Variants in FER1L5 observed in about 807,000 individuals in gnomAD.
The protein encoded by FER1L5 is fer-1 like family member 5, also known as fer-1-like protein 5.
In FER1L5, 187 loss-of-function variants were observed where a neutral mutation model predicts 279.9. The ratio of observed to expected loss-of-function variants is 0.67; its 90% CI spans 0.59 to 0.75. The LOEUF (loss-of-function observed/expected upper bound fraction) is 0.75, where lower values mean the gene tolerates loss of function less well. FER1L5 is among the 30% of genes least tolerant of loss of function. FER1L5 has a pLI of 0.00. For missense variants in FER1L5, 2,091 were observed against 2,594.4 expected, an observed-to-expected ratio of 0.81 and a Z score of 4.21; for synonymous variants, 921 against 989.7, an observed-to-expected ratio of 0.93 and a Z score of 1.30.
chr2:96,685,557 C>G, intron 21 of FER1L5, 128 bp downstream of exon 21: 1 of 787,672 alleles, frequency 1.3e-6, no homozygotes, highest in Non-Finnish European at 2.0e-6. Flanking sequence ...TCAGACCTCT[C>G]CCCAGCGGGA....
intron 16 of FER1L5, 24 bp from the exon 17 acceptor site, chr2:96,669,019 C>T (rs1472237684): frequency 1.9e-6 from 3 of 1,551,700 alleles, no homozygotes; most frequent in East Asian, 4.9e-5. Context: ...TGCGCCCGAC[C>T]CTTCTCACTC....
In FER1L5 at chr2:96,704,530, C is replaced by A. The variant is rs778405429; in HGVS notation, c.6012C>A (p.Phe2004Leu). ...QLQLYPPIKIFNIINSLNTSN... is the reference protein window; with the variant it reads ...QLQLYPPIKILNIINSLNTSN... The stretch of plus-strand genomic sequence containing the variant: ...AGCTGTATCCTCCCATTAAAATATT[C>A]AATATCATCAATTCACTAAACACCA... Residue 2004 changes from phenylalanine (F) to leucine (L), a missense_variant, in exon 53 of 53, where the codon TTC becomes TTA. Phe to Leu is a conservative substitution (Grantham distance 22). Coordinates refer to ENST00000624922, the MANE Select transcript of FER1L5 (RefSeq NM_001293083.2). 1 of 1,613,902 alleles carries A rather than the reference C, an allele frequency of 6.2e-7. No individual in the cohort carries two copies. The highest frequency in any genetic ancestry group is 1.1e-5 in the South Asian group (1 of 91,080).
In FER1L5 at chr2:96,689,606, G is replaced by A. The variant is rs1573931629; in HGVS notation, c.2526-38G>A. The A allele has an allele frequency of 1.3e-6, 2 of 1,531,362 alleles. No homozygotes were observed. The highest frequency in any genetic ancestry group is 4.9e-5 in the East Asian group (2 of 40,794). The allele number at this position is 1,531,362 out of a possible 1,614,324, so 94.9% of individuals were successfully genotyped here. On this transcript the variant is annotated intron_variant, in intron 25 of 52. Transcript: ENST00000624922. The surrounding 1 kb of genome is among the most constrained non-coding windows in gnomAD (Gnocchi z 4.6). ...GAAGACGGCCCTAGGGGCTGCTTGG[G>A]GAGTTGTGCTGGGAACTTGGGGTCT... is the stretch of plus-strand genomic sequence containing the variant.
intron 18 of FER1L5, among the ~76,000 whole-genome samples, chr2:96,671,490 A>G (rs1039668894): frequency 2.0e-5 from 3 of 152,224 alleles, no homozygotes; most frequent in Non-Finnish European, 4.4e-5. Flanking sequence ...CAGGGGTGCA[A>G]TGCACCAAGG....
chr2:96,680,473 A>G (rs2106632608), intron 19 of FER1L5, among the ~76,000 whole-genome samples: 1 of 150,318 alleles, frequency 6.7e-6, no homozygotes, highest in Middle Eastern at 3.4e-3. Flanking sequence ...TCTCTTCCAT[A>G]TTTTTCATCT....
In FER1L5 at chr2:96,670,261, A is replaced by G. The variant is rs1436091664; in HGVS notation, c.1491+14A>G. 35 of 1,550,054 alleles carry G rather than the reference A, an allele frequency of 2.3e-5. No homozygotes were observed. The highest frequency in any genetic ancestry group is 2.9e-5 in the Non-Finnish European group (33 of 1,146,044). On this transcript the variant is annotated intron_variant, in intron 18 of 52. Coordinates refer to ENST00000624922, the MANE Select transcript of FER1L5 (RefSeq NM_001293083.2). Reference sequence around the variant, plus strand: ...ACCAGGATAGAGGTAACTGCGGGAAACAGGTAACCCAGGGAAAAACAAGAG... The same window carrying G: ...ACCAGGATAGAGGTAACTGCGGGAAGCAGGTAACCCAGGGAAAAACAAGAG...
intron 8 of FER1L5, 160 bp from the exon 9 acceptor site, chr2:96,654,286 T>G (rs1033392243): frequency 1.5e-5 from 6 of 391,656 alleles, no homozygotes; most frequent in Middle Eastern, 1.3e-3. Context: ...AGGGTTCCTC[T>G]GAGAGTGAAA....
intron 19 of FER1L5, among the ~76,000 whole-genome samples, chr2:96,681,645 G>A (rs545114528): frequency 6.6e-6 from 1 of 152,098 alleles, no homozygotes; most frequent in Non-Finnish European, 1.5e-5. Flanking sequence ...TATTTGTGCA[G>A]TGTGTTCATA....
chr2:96,700,155 C>CT, intron 44 of FER1L5, 75 bp downstream of exon 44: 1 of 1,588,550 alleles, frequency 6.3e-7, no homozygotes, highest in South Asian at 1.1e-5. Context: ...AATGGAAGAG[C>CT]TGCAGACTTG....
rs1474692650 is a variant in FER1L5 at position 96,647,143 on chromosome 2, A to AAAAG, written c.227_230dup (p.Phe78LysfsTer19). The stretch of plus-strand genomic sequence containing the variant: ...GTCACCCTTCAGGACATGGGCTCAC[A>AAAAG]AAAGAAAGAAAGGTGAGGCAGAGAG... On this transcript the variant is annotated frameshift_variant, in exon 3 of 53. Coordinates refer to ENST00000624922, the MANE Select transcript of FER1L5 (RefSeq NM_001293083.2). LOFTEE classifies it high-confidence loss of function. 6.4e-7 allele frequency: 1 copy of AAAAG among 1,551,676 alleles called. No homozygotes were observed. Among genetic ancestry groups the AAAAG allele is most frequent in the Admixed American group, 2.0e-5 (1 of 51,000 alleles).
chr2:96,672,096 G>T (rs1358547843), intron 18 of FER1L5, among the ~76,000 whole-genome samples: 1 of 152,028 alleles, frequency 6.6e-6, no homozygotes, highest in Non-Finnish European at 1.5e-5. Context: ...AATTTTTTTT[G>T]AGATGGAGTT....
chr2:96,655,819 C>G (rs989567701), intron 9 of FER1L5, among the ~76,000 whole-genome samples: 6 of 152,088 alleles, frequency 3.9e-5, no homozygotes, highest in African/African-American at 1.4e-4. Context: ...AAGCAATCCT[C>G]CCACCTCAGC....
rs2106527721 is a variant in FER1L5, at chr2:96,661,793, T to C, written c.1018+2T>C. 6.4e-7 allele frequency: 1 copy of C among 1,551,452 alleles called. No homozygotes were observed. The highest frequency in any genetic ancestry group is 2.4e-5 in the East Asian group (1 of 40,882). ...ACTGCGCAGAGGACCTTCACCTCAG[T>C]TAGAGTCTGGGTGCAGGGGAGGGAG... On this transcript the variant is annotated splice_donor_variant, in intron 12 of 52. Transcript: ENST00000624922. LOFTEE classifies it high-confidence loss of function.
In FER1L5 at chr2:96,647,884, G is replaced by C; in HGVS notation, c.337G>C (p.Asp113His). 2 of 1,551,470 alleles carry C rather than the reference G, an allele frequency of 1.3e-6. No homozygotes were observed. Residue 113 changes from aspartate to histidine, a missense_variant and splice_region_variant, in exon 4 of 53, where the codon GAT becomes CAT. Transcript: ENST00000624922. ...TLLNHSMKPT[D>H]CTVTLQVAHM... ...GCTCAACCATTCCATGAAGCCCACAGATGTGAGTCAGGCCCAGGAAGGCCC... is the reference window on the plus strand; with the variant it reads ...GCTCAACCATTCCATGAAGCCCACACATGTGAGTCAGGCCCAGGAAGGCCC...
At chr2:96,672,077 A>C (rs1201524648) in intron 18 of FER1L5, among the ~76,000 whole-genome samples, 1 of 152,116 alleles carries the variant, frequency 6.6e-6, no homozygotes, top group South Asian at 2.1e-4. Flanking sequence ...TCTAAAAAAA[A>C]AGTAAAAAAA....
At chr2:96,697,431 C>T in intron 37 of FER1L5, 95 bp from the exon 38 acceptor site, 2 of 1,381,806 alleles carry the variant, frequency 1.4e-6, no homozygotes, top group Non-Finnish European at 2.0e-6. Context: ...GGCAAGGGCA[C>T]CAGGGAAGCT....
Position 96,694,437 on chromosome 2 carries a change from G to T in FER1L5, c.3714G>T (p.Gln1238His). ...NGAYTLPKSI[Q>H]PTIKRMAIEI... is the part of the protein sequence containing the mutation. ...CATACACACTCCCCAAGAGCATCCA[G>T]CCCACGATAAAGAGGATGGCCATTG... is the stretch of plus-strand genomic sequence containing the variant. Residue 1238 changes from glutamine to histidine, a missense_variant, in exon 34 of 53, where the codon CAG (glutamine) becomes CAT (histidine). Physicochemically the swap from Gln to His is conservative, Grantham distance 24. Coordinates refer to ENST00000624922, the MANE Select transcript of FER1L5 (RefSeq NM_001293083.2). The surrounding 1 kb of genome is among the most constrained non-coding windows in gnomAD (Gnocchi z 4.6). 6.5e-7 allele frequency: 1 copy of T among 1,548,436 alleles called. No homozygotes were observed. The highest frequency in any genetic ancestry group is 2.4e-5 in the East Asian group (1 of 40,822).
At chr2:96,663,605 C>A in intron 14 of FER1L5, 98 bp downstream of exon 14, 1 of 1,352,192 alleles carries the variant, frequency 7.4e-7, no homozygotes, top group Non-Finnish European at 1.0e-6. Flanking sequence ...GGGTGGGGGC[C>A]AAAAAGCATG....
intron 9 of FER1L5, among the ~76,000 whole-genome samples, chr2:96,658,015 ACTTT>A (rs1424789823): frequency 6.6e-6 from 1 of 150,500 alleles, no homozygotes; most frequent in East Asian, 1.9e-4. Context: ...TATATGTTTA[ACTTT>A]CTTTTTTTTT....
Sources: gnomAD v4.1 joint callset for allele counts (sites outside exome capture counted in the v4.1 genomes callset) on GRCh38, gnomAD v4.1.1 for gene constraint, Gnocchi (gnomAD v3.1) non-coding constraint, MANE v1.5 for transcripts, NCBI Gene and HGNC (gene_info 2026-07-23, HGNC 2026-07-21) for gene names.